IL1RAPL2: variants seen among roughly 807,000 people sequenced by gnomAD.
IL1RAPL2 encodes the protein interleukin 1 receptor accessory protein like 2.
Under a neutral mutation model 44.1 loss-of-function variants are expected in IL1RAPL2, and 3 were observed. That is an observed-to-expected ratio of 0.07 (90% CI 0.03 to 0.18). IL1RAPL2 has a LOEUF of 0.18. IL1RAPL2 is among the 10% of genes least tolerant of loss of function. The probability of loss-of-function intolerance (pLI) is 1.00; values close to 1 mark genes in which losing one functional copy is unlikely to be tolerated. For missense variants in IL1RAPL2, 391 were observed against 496.4 expected, an observed-to-expected ratio of 0.79 and a Z score of 2.02; for synonymous variants, 181 against 178.8, an observed-to-expected ratio of 1.01 and a Z score of -0.10.
At chrX:104,633,707 T>C (rs1397629549) in intron 1 of IL1RAPL2, among the ~76,000 whole-genome samples, 1 of 111,743 alleles carries the variant, frequency 8.9e-6, no homozygotes, top group Non-Finnish European at 1.9e-5. Context: ...TCATTTTTTA[T>C]TGCGTCTATT....
intron 2 of IL1RAPL2, among the ~76,000 whole-genome samples, chrX:105,137,022 G>C (rs1011414012): frequency 5.4e-5 from 6 of 111,540 alleles, no homozygotes; most frequent in Non-Finnish European, 1.1e-4. Flanking sequence ...TTAGGAATGT[G>C]GTATCTGAGT....
At position 105,554,370 on chromosome X, in the gene IL1RAPL2, T is replaced by G. The variant is rs189375123; in HGVS notation, c.772+69983T>G. Among the ~76,000 whole-genome samples, 271 of 112,601 alleles carry G rather than the reference T, an allele frequency of 2.4e-3. 4 individuals are homozygous for G. Among genetic ancestry groups the G allele is most frequent in the Non-Finnish European group, 3.2e-3 (172 of 53,271 alleles). ...TACAATAATTTTTAATTTATATAAT[T>G]TTGCTTATAATTTTGATTATAATAT... On this transcript the variant is annotated intron_variant, in intron 6 of 10. Coordinates refer to ENST00000372582, the MANE Select transcript of IL1RAPL2 (RefSeq NM_017416.2).
chrX:104,633,052 G>C (rs1330580842), intron 1 of IL1RAPL2, among the ~76,000 whole-genome samples: 12 of 111,372 alleles, frequency 1.1e-4, no homozygotes, highest in South Asian at 3.8e-4. Flanking sequence ...TAGCATGAAG[G>C]GTTGTTGAAT....
chrX:104,636,820 G>C (rs1929820159), intron 1 of IL1RAPL2, among the ~76,000 whole-genome samples: 1 of 111,963 alleles, frequency 8.9e-6, no homozygotes. Flanking sequence ...CCCTGCTTTG[G>C]CTCATGCTCA....
chrX:104,885,301 C>A (rs1202631881), intron 2 of IL1RAPL2, among the ~76,000 whole-genome samples: 1 of 111,501 alleles, frequency 9.0e-6, no homozygotes, highest in African/African-American at 3.3e-5. Context: ...GACCTTGACT[C>A]AGATCATGGG....
At chrX:105,472,407 G>T (rs773889567) in intron 5 of IL1RAPL2, among the ~76,000 whole-genome samples, 2 of 111,472 alleles carry the variant, frequency 1.8e-5, no homozygotes, top group South Asian at 7.5e-4. Flanking sequence ...CCTTTTTCAT[G>T]AGATTTGGAT....
At chrX:105,404,358 T>C (rs60585801) in intron 5 of IL1RAPL2, among the ~76,000 whole-genome samples, 21,535 of 111,715 alleles carry the variant, frequency 0.19, 5,055 homozygotes, top group African/African-American at 0.67. Flanking sequence ...AGAGTAGTGC[T>C]GTGATATGTT....
intron 2 of IL1RAPL2, among the ~76,000 whole-genome samples, chrX:105,031,983 A>G (rs1411914763): frequency 1.8e-5 from 2 of 111,027 alleles, no homozygotes; most frequent in African/African-American, 6.6e-5. Context: ...GAATTTATCC[A>G]TTTCTTCGAG....
chrX:105,686,797 T>C (rs1197484977), intron 6 of IL1RAPL2, among the ~76,000 whole-genome samples: 1 of 111,858 alleles, frequency 8.9e-6, no homozygotes, highest in Non-Finnish European at 1.9e-5. Context: ...ATTGCACTTA[T>C]TCTAAAATTG....
intron 2 of IL1RAPL2, among the ~76,000 whole-genome samples, chrX:104,915,568 TTTAA>T (rs1210241712): frequency 9.0e-6 from 1 of 110,608 alleles, no homozygotes; most frequent in Non-Finnish European, 1.9e-5. Context: ...AGCTCTTTAG[TTTAA>T]TTAGATCCCA....
intron 2 of IL1RAPL2, among the ~76,000 whole-genome samples, chrX:104,720,676 A>G (rs1440102260): frequency 8.9e-6 from 1 of 111,874 alleles, no homozygotes; most frequent in Non-Finnish European, 1.9e-5. Flanking sequence ...TGAGTTTAGC[A>G]GCAGTGAGAA....
chrX:105,032,971 C>T (rs2031539948), intron 2 of IL1RAPL2, among the ~76,000 whole-genome samples: 1 of 111,557 alleles, frequency 9.0e-6, no homozygotes, highest in Non-Finnish European at 1.9e-5. Context: ...ATCCCTTTAC[C>T]ATTATGTAAT....
intron 2 of IL1RAPL2, among the ~76,000 whole-genome samples, chrX:104,847,405 A>G (rs1313947538): frequency 2.7e-5 from 3 of 111,655 alleles, no homozygotes; most frequent in Admixed American, 1.9e-4. Flanking sequence ...TCAGCTTTCT[A>G]CATATGGCTA....
chrX:105,663,257 G>A (rs1398407811), intron 6 of IL1RAPL2, among the ~76,000 whole-genome samples: 2 of 111,703 alleles, frequency 1.8e-5, no homozygotes, highest in African/African-American at 6.5e-5. Flanking sequence ...GTACATCCTA[G>A]TCTACTTTAT....
chrX:104,629,606 A>G (rs185115848), intron 1 of IL1RAPL2, among the ~76,000 whole-genome samples: 2 of 111,872 alleles, frequency 1.8e-5, no homozygotes, highest in East Asian at 5.6e-4. Flanking sequence ...TTATTTTCCT[A>G]GGCCAATGTC....
At chrX:105,620,265 A>C (rs1355059373) in intron 6 of IL1RAPL2, among the ~76,000 whole-genome samples, 1 of 111,632 alleles carries the variant, frequency 9.0e-6, no homozygotes, top group Non-Finnish European at 1.9e-5. Context: ...TAACACATGT[A>C]AATGAACACT....
intron 2 of IL1RAPL2, among the ~76,000 whole-genome samples, chrX:104,713,701 T>C (rs991201433): frequency 9.0e-5 from 10 of 111,017 alleles, no homozygotes; most frequent in African/African-American, 3.3e-4. Flanking sequence ...CACATTTCAG[T>C]GGTTTAACCC....
intron 2 of IL1RAPL2, among the ~76,000 whole-genome samples, chrX:105,076,040 C>T (rs1373490719): frequency 9.0e-6 from 1 of 111,457 alleles, no homozygotes; most frequent in Non-Finnish European, 1.9e-5. Context: ...GTCTCTATTT[C>T]CTTCAGTTCT....
rs73529082 is a variant in IL1RAPL2 at position 105,642,860 on chromosome X, C to A, written c.773-74507C>A. Among the ~76,000 whole-genome samples the A allele has an allele frequency of 6.1e-3, 693 of 112,805 alleles. 8 individuals are homozygous for A. Among genetic ancestry groups the A allele is most frequent in the African/African-American group, 0.021 (660 of 31,091 alleles). The stretch of plus-strand genomic sequence containing the variant: ...AACCCAAGTCTCCTGACACCTAAGC[C>A]AGTTTTCTTCTTACTATGTAACAAT... On this transcript the variant is annotated intron_variant, in intron 6 of 10. Coordinates refer to ENST00000372582, the MANE Select transcript of IL1RAPL2 (RefSeq NM_017416.2).
Sources: allele counts gnomAD v4.1 joint callset (sites outside exome capture counted in the v4.1 genomes callset), GRCh38; gene constraint gnomAD v4.1.1; transcripts MANE v1.5; gene names NCBI Gene and HGNC (gene_info 2026-07-23, HGNC 2026-07-21).